LHFPL6: variants seen among roughly 807,000 people sequenced by gnomAD.
The protein encoded by LHFPL6 is LHFPL tetraspan subfamily member 6.
In LHFPL6, 9 loss-of-function variants were observed where a neutral mutation model predicts 20.6. That is an observed-to-expected ratio of 0.44 (90% CI 0.26 to 0.76). The LOEUF (loss-of-function observed/expected upper bound fraction) is 0.76, where lower values mean the gene tolerates loss of function less well. Among genes scored for constraint, LHFPL6 ranks in the 30% least tolerant of loss-of-function variants. LHFPL6 has a pLI of 0.20. For synonymous variants in LHFPL6, 105 were observed against 98.7 expected (o/e 1.06, Z -0.38); for missense variants, 218 against 253.5 (o/e 0.86, Z 0.95).
chr13:39,558,039 G>T (rs551727127), intron 2 of LHFPL6, among the ~76,000 whole-genome samples: 1 of 152,098 alleles, frequency 6.6e-6, no homozygotes. Context: ...CTTTCCGTAC[G>T]GCCTGCAGAA....
At position 39,386,379 on chromosome 13, in the gene LHFPL6, C is replaced by CA. The variant is rs202135349; in HGVS notation, c.386-7854dup. On this transcript the variant is annotated intron_variant, in intron 2 of 3. Transcript: ENST00000379589. Reference sequence around the variant, plus strand: ...CTCAAGGAGTACATTCTTTAGTCTACAAAAAAAAAGGCTTGGTTGCATTCT... The same window carrying CA: ...CTCAAGGAGTACATTCTTTAGTCTACAAAAAAAAAAGGCTTGGTTGCATTCT... 9.8e-3 allele frequency among the ~76,000 whole-genome samples: 1,481 copies of CA among 150,360 alleles called. 17 individuals are homozygous for CA. Among genetic ancestry groups the CA allele is most frequent in the African/African-American group, 0.032 (1,317 of 41,018 alleles).
chr13:39,531,753 A>G (rs1870472485), intron 2 of LHFPL6, among the ~76,000 whole-genome samples: 2 of 152,182 alleles, frequency 1.3e-5, no homozygotes, highest in Admixed American at 1.3e-4. Flanking sequence ...CAATTCAACT[A>G]AAGAGTAAAT....
intron 3 of LHFPL6, among the ~76,000 whole-genome samples, chr13:39,358,439 T>C (rs896634978): frequency 1.3e-5 from 2 of 152,120 alleles, no homozygotes; most frequent in Admixed American, 6.6e-5. Context: ...ACTATAAAAA[T>C]TCTAGATGAA....
At chr13:39,362,780 A>G (rs1869909875) in intron 3 of LHFPL6, among the ~76,000 whole-genome samples, 2 of 152,194 alleles carry the variant, frequency 1.3e-5, no homozygotes, top group South Asian at 2.1e-4. Flanking sequence ...TACCCAACTG[A>G]GCAAACAACC....
chr13:39,539,638 G>GT (rs1566136354), intron 2 of LHFPL6, among the ~76,000 whole-genome samples: 1 of 152,196 alleles, frequency 6.6e-6, no homozygotes, highest in African/African-American at 2.4e-5. Context: ...ATTAATCAGC[G>GT]TAAGGCATAG....
At chr13:39,398,863 A>G (rs1210219463) in intron 2 of LHFPL6, among the ~76,000 whole-genome samples, 1 of 152,210 alleles carries the variant, frequency 6.6e-6, no homozygotes, top group Non-Finnish European at 1.5e-5. Flanking sequence ...ATGAGAATCT[A>G]ATGCCTAATG....
chr13:39,418,382 CT>C (rs71077297), intron 2 of LHFPL6, among the ~76,000 whole-genome samples: 2,731 of 129,660 alleles, frequency 0.021, 78 homozygotes, highest in African/African-American at 0.078. Flanking sequence ...TTTTTTTGGT[CT>C]TTTTTTTTTT....
intron 2 of LHFPL6, among the ~76,000 whole-genome samples, chr13:39,574,352 G>C (rs1227084165): frequency 6.6e-6 from 1 of 151,936 alleles, no homozygotes; most frequent in Non-Finnish European, 1.5e-5. Flanking sequence ...TGTGGTGGTG[G>C]GCACCTGTAG....
chr13:39,415,862 T>C (rs1490501218), intron 2 of LHFPL6, among the ~76,000 whole-genome samples: 1 of 152,234 alleles, frequency 6.6e-6, no homozygotes, highest in Non-Finnish European at 1.5e-5. Flanking sequence ...CCTTGAACTT[T>C]GTTCAATACA....
At chr13:39,502,367 G>A (rs1869320600) in intron 2 of LHFPL6, among the ~76,000 whole-genome samples, 1 of 151,890 alleles carries the variant, frequency 6.6e-6, no homozygotes. Context: ...ACCTGTAATC[G>A]CAGCACTTTG....
At chr13:39,452,711 T>C (rs935945345) in intron 2 of LHFPL6, among the ~76,000 whole-genome samples, 4 of 152,226 alleles carry the variant, frequency 2.6e-5, no homozygotes, top group African/African-American at 9.6e-5. Context: ...TGCTGAAGAC[T>C]GTAATTCAAG....
intron 2 of LHFPL6, among the ~76,000 whole-genome samples, chr13:39,562,615 C>CACATATAT (rs1871565257): frequency 1.3e-4 from 6 of 45,688 alleles, no homozygotes; most frequent in Non-Finnish European, 2.7e-4. Context: ...TACATATATA[C>CACATATAT]ACATATATAC....
intron 2 of LHFPL6, among the ~76,000 whole-genome samples, chr13:39,434,981 A>G (rs1016853907): frequency 7.1e-6 from 1 of 141,420 alleles, no homozygotes; most frequent in East Asian, 2.3e-4. Flanking sequence ...GCGTGAACCC[A>G]GGAAGTGGAG....
rs1870351398 is a variant in LHFPL6 at position 39,378,439 on chromosome 13, T to C, written c.473A>G (p.Gln158Arg). Residue 158 changes from glutamine (Q) to arginine (R), a missense_variant, in exon 3 of 4, where the codon CAG becomes CGG. Coordinates refer to ENST00000379589, the MANE Select transcript of LHFPL6 (RefSeq NM_005780.3). ...VRQTCGYTSG[Q>R]FDLGKCEIGW... is the part of the protein sequence containing the mutation. Reference sequence around the variant, plus strand: ...TGAAGAAAGCTTACCCAGGTCAAACTGGCCAGAAGTGTAGCCACAAGTCTG... The same window carrying C: ...TGAAGAAAGCTTACCCAGGTCAAACCGGCCAGAAGTGTAGCCACAAGTCTG... The C allele has an allele frequency of 6.2e-7, 1 of 1,613,802 alleles. No individual in the cohort carries two copies. Among genetic ancestry groups the C allele is most frequent in the Non-Finnish European group, 8.5e-7 (1 of 1,179,816 alleles).
chr13:39,392,501 G>A lies in LHFPL6; in HGVS notation c.386-13975C>T, dbSNP rs9566420. On this transcript the variant is annotated intron_variant, in intron 2 of 3. Transcript: ENST00000379589. ...CCCAGCTACTTGGGAGGCTAAGGCA[G>A]GAGAATCGCTTGAACCTGGGAGGCA... Among the ~76,000 whole-genome samples the A allele has an allele frequency of 9.6e-3, 1,461 of 152,266 alleles. 57 individuals are homozygous for A. The East Asian group carries it at 0.12, about 12-fold the overall frequency.
At chr13:39,377,317 CTT>C (rs1047964850) in intron 3 of LHFPL6, among the ~76,000 whole-genome samples, 1 of 152,120 alleles carries the variant, frequency 6.6e-6, no homozygotes, top group African/African-American at 2.4e-5. Context: ...ATGCTTTTCT[CTT>C]GTTAATCTGC....
At chr13:39,586,861 A>C (rs530955876) in intron 2 of LHFPL6, among the ~76,000 whole-genome samples, 4 of 152,178 alleles carry the variant, frequency 2.6e-5, no homozygotes, top group African/African-American at 9.7e-5. Context: ...TTAAGTACAT[A>C]ATCCTCAGCT....
intron 2 of LHFPL6, among the ~76,000 whole-genome samples, chr13:39,392,518 T>C (rs886553234): frequency 6.6e-6 from 1 of 152,062 alleles, no homozygotes; most frequent in African/African-American, 2.4e-5. Context: ...CGCTTGAACC[T>C]GGGAGGCAGA....
chr13:39,516,122 C>G (rs1454195812), intron 2 of LHFPL6, among the ~76,000 whole-genome samples: 1 of 152,200 alleles, frequency 6.6e-6, no homozygotes, highest in Non-Finnish European at 1.5e-5. Flanking sequence ...CTGGAATAGT[C>G]TCCTAGCTGG....
Sources: gnomAD v4.1 joint callset for allele counts (sites outside exome capture counted in the v4.1 genomes callset) on GRCh38, gnomAD v4.1.1 for gene constraint, MANE v1.5 for transcripts, NCBI Gene and HGNC (gene_info 2026-07-23, HGNC 2026-07-21) for gene names.